The following TLR7 variants were observed in gnomAD, a reference collection of about 807,000 sequenced individuals.
TLR7 encodes the protein toll like receptor 7, also known as toll-like receptor 7.
In TLR7, 12 loss-of-function variants were observed where a neutral mutation model predicts 38.3. The ratio of observed to expected loss-of-function variants is 0.31; its 90% confidence interval spans 0.20 to 0.51. The LOEUF (loss-of-function observed/expected upper bound fraction) is 0.51, where lower values mean the gene tolerates loss of function less well. Ranked by LOEUF, TLR7 falls within the 20% of genes least tolerant of loss-of-function variation. TLR7 has a pLI of 0.98. For missense variants in TLR7, 504 were observed against 743.4 expected, an observed-to-expected ratio of 0.68 and a Z score of 3.74; for synonymous variants, 285 against 293.8, an observed-to-expected ratio of 0.97 and a Z score of 0.31.
chrX:12,887,254 A>C lies in TLR7; in HGVS notation c.1746A>C (p.Ser582=), dbSNP rs1275434201. 40 of 1,208,820 alleles carry C rather than the reference A, an allele frequency of 3.3e-5. No homozygotes were observed. The highest frequency in any genetic ancestry group is 8.7e-5 in the African/African-American group (5 of 57,167). Residue 582 remains serine, a synonymous_variant, in exon 3 of 3, where the codon TCA becomes TCC. Coordinates refer to ENST00000380659, the MANE Select transcript of TLR7 (RefSeq NM_016562.4). ...GCAGTAATAGCCATTATTTTCAATC[A>C]GAAGGAATTACTCATATGCTAAACT... ...DISSNSHYFQ[S]EGITHMLNFT...
At chrX:12,884,323 T>TTCAG (rs2042902739) in intron 2 of TLR7, among the ~76,000 whole-genome samples, 1 of 111,766 alleles carries the variant, frequency 8.9e-6, no homozygotes, top group Non-Finnish European at 1.9e-5. Context: ...GATTGGTTGA[T>TTCAG]TCAGTCACTT....
chrX:12,885,948 C>G lies in TLR7; in HGVS notation c.440C>G (p.Pro147Arg). ...NQLLEIPQGL[P>R]PSLQLLSLEA... ...CTACTAGAGATACCGCAGGGCCTCCCGCCTAGCTTACAGCTTCTCAGCCTT... is the reference window on the plus strand; with the variant it reads ...CTACTAGAGATACCGCAGGGCCTCCGGCCTAGCTTACAGCTTCTCAGCCTT... The change falls in exon 3 of 3, where the codon CCG (proline) becomes CGG (arginine). Residue 147 changes from proline (P) to arginine (R), a missense_variant. Physicochemically the swap from Pro to Arg is moderately radical, Grantham distance 103 (BLOSUM62 -2). Coordinates refer to ENST00000380659, the MANE Select transcript of TLR7 (RefSeq NM_016562.4). 8.3e-7 allele frequency: 1 copy of G among 1,211,929 alleles called. No homozygotes were observed. The highest frequency in any genetic ancestry group is 1.1e-6 in the Non-Finnish European group (1 of 895,421).
intron 2 of TLR7, among the ~76,000 whole-genome samples, chrX:12,874,839 C>G (rs988040311): frequency 1.8e-5 from 2 of 112,199 alleles, no homozygotes; most frequent in African/African-American, 6.5e-5. Context: ...TCTAATAGTT[C>G]CCAGTTATAT....
chrX:12,882,525 C>T (rs2042896283), intron 2 of TLR7, among the ~76,000 whole-genome samples: 1 of 111,663 alleles, frequency 9.0e-6, no homozygotes, highest in Non-Finnish European at 1.9e-5. Flanking sequence ...CTAAAAATTT[C>T]ACAGTCATTG....
chrX:12,869,830 C>CAAAAAAAAAAAAA (rs34022797), intron 2 of TLR7, among the ~76,000 whole-genome samples: 1 of 51,465 alleles, frequency 1.9e-5, no homozygotes, highest in Non-Finnish European at 3.6e-5. Flanking sequence ...TGCAGCCAGG[C>CAAAAAAAAAAAAA]AAAAAAAAAA....
At chrX:12,867,331 A>T (rs768210650) in intron 1 of TLR7, 150 bp from the exon 2 acceptor site, 13 of 288,690 alleles carry the variant, frequency 4.5e-5, no homozygotes, top group Admixed American at 1.7e-4. Flanking sequence ...GTTTTCTGGA[A>T]TATGTCTCCA....
chrX:12,869,187 G>A (rs1265739426), intron 2 of TLR7, among the ~76,000 whole-genome samples: 2 of 111,564 alleles, frequency 1.8e-5, no homozygotes, highest in African/African-American at 3.3e-5. Flanking sequence ...CAAGTACAAA[G>A]GGGAAATAGT....
chrX:12,884,451 T>C (rs759311885), intron 2 of TLR7, among the ~76,000 whole-genome samples: 1 of 112,293 alleles, frequency 8.9e-6, no homozygotes, highest in Non-Finnish European at 1.9e-5. Context: ...CTAGAAATCC[T>C]GAAACTTGAG....
At chrX:12,880,524 C>G in intron 2 of TLR7, among the ~76,000 whole-genome samples, 1 of 111,972 alleles carries the variant, frequency 8.9e-6, no homozygotes, top group African/African-American at 3.2e-5. Flanking sequence ...GCTTCTTAAA[C>G]CTTTTCCCCC....
In TLR7 at chrX:12,867,495, C is replaced by T; in HGVS notation, c.-84C>T. ...CTTTCTCTTAGTTGATGCTATTGGG[C>T]CCATCTCAAGCTGATCTTGGCACCT... is the stretch of plus-strand genomic sequence containing the variant. On this transcript the variant is annotated 5_prime_UTR_variant, in exon 2 of 3. Coordinates refer to ENST00000380659, the MANE Select transcript of TLR7 (RefSeq NM_016562.4). 1.1e-6 allele frequency: 1 copy of T among 891,976 alleles called. No individual in the cohort carries two copies. Among genetic ancestry groups the T allele is most frequent in the Non-Finnish European group, 1.6e-6 (1 of 613,123 alleles). 73.5% of individuals were successfully genotyped at this position (891,976 alleles called of 1,213,427 possible).
intron 2 of TLR7, among the ~76,000 whole-genome samples, chrX:12,880,398 C>T (rs2042887157): frequency 8.9e-6 from 1 of 111,992 alleles, no homozygotes; most frequent in Non-Finnish European, 1.9e-5. Context: ...TTTTCACAAC[C>T]TCATGTGTAA....
In TLR7 at chrX:12,887,035, G is replaced by T; in HGVS notation, c.1527G>T (p.Lys509Asn). 8.3e-7 allele frequency: 1 copy of T among 1,210,857 alleles called. No homozygotes were observed. Among genetic ancestry groups the T allele is most frequent in the Non-Finnish European group, 1.1e-6 (1 of 895,042 alleles). Residue 509 changes from lysine to asparagine, a missense_variant, in exon 3 of 3, where the codon AAG (lysine) becomes AAT (asparagine). By Grantham distance (94) the Lys-to-Asn change is moderately conservative. Transcript: ENST00000380659. ...GTAAAAATAGTATATTTTTTGTCAAGTCCTCTGATTTTCAGCATCTTTCTT... is the reference window on the plus strand; with the variant it reads ...GTAAAAATAGTATATTTTTTGTCAATTCCTCTGATTTTCAGCATCTTTCTT... ...DLSKNSIFFV[K>N]SSDFQHLSFL...
At chrX:12,880,690 C>T (rs970014088) in intron 2 of TLR7, among the ~76,000 whole-genome samples, 7 of 111,362 alleles carry the variant, frequency 6.3e-5, no homozygotes, top group African/African-American at 2.3e-4. Context: ...TCATGTATCT[C>T]ACAGACATAA....
chrX:12,879,029 A>G (rs2042882539), intron 2 of TLR7, among the ~76,000 whole-genome samples: 1 of 112,217 alleles, frequency 8.9e-6, no homozygotes, highest in African/African-American at 3.2e-5. Context: ...TTGCAGCCAG[A>G]GCACAACTGT....
At chrX:12,869,830 CAAAAAAA>C (rs34022797) in intron 2 of TLR7, among the ~76,000 whole-genome samples, 4 of 51,454 alleles carry the variant, frequency 7.8e-5, no homozygotes, top group East Asian at 1.4e-3. Context: ...TGCAGCCAGG[CAAAAAAA>C]AAAAAAAAAA....
In TLR7 at chrX:12,888,054, T is replaced by C; in HGVS notation, c.2546T>C (p.Val849Ala). Residue 849 changes from valine (V) to alanine (A), a missense_variant, in exon 3 of 3, where the codon GTA becomes GCA. Transcript: ENST00000380659. ...NLILFSLSIS[V>A]SLFLMVMMTA... ...ATTCTGTTCTCACTTTCCATATCTG[T>C]ATCTCTCTTTCTCATGGTGATGATG... 1 of 1,211,603 alleles carries C rather than the reference T, an allele frequency of 8.3e-7. No homozygotes were observed.
chrX:12,874,095 A>G (rs1262862272), intron 2 of TLR7, among the ~76,000 whole-genome samples: 2 of 112,153 alleles, frequency 1.8e-5, no homozygotes, highest in Non-Finnish European at 3.8e-5. Flanking sequence ...TGAGGCAGGC[A>G]GACCACCTGA....
chrX:12,876,282 T>G (rs1047949301), intron 2 of TLR7, among the ~76,000 whole-genome samples: 2 of 112,058 alleles, frequency 1.8e-5, no homozygotes, highest in Non-Finnish European at 3.8e-5. Flanking sequence ...CTTGTAAATT[T>G]TTCCTATAAA....
At chrX:12,881,717 G>A (rs1291352041) in intron 2 of TLR7, among the ~76,000 whole-genome samples, 1 of 110,255 alleles carries the variant, frequency 9.1e-6, no homozygotes, top group Non-Finnish European at 1.9e-5. Context: ...TAGGGTACAT[G>A]TAGCGTATTA....
Sources: allele counts gnomAD v4.1 joint callset (sites outside exome capture counted in the v4.1 genomes callset), GRCh38; gene constraint gnomAD v4.1.1; transcripts MANE v1.5; gene names NCBI Gene and HGNC (gene_info 2026-07-23, HGNC 2026-07-21).